Variants in ABCA6 observed in about 807,000 individuals in gnomAD.
ABCA6 encodes the protein ATP binding cassette subfamily A member 6, also known as ATP-binding cassette sub-family A member 6.
In ABCA6, 164 loss-of-function variants were observed where a neutral mutation model predicts 191.2. That is an observed-to-expected ratio of 0.86 (90% CI 0.76 to 0.98). The LOEUF (loss-of-function observed/expected upper bound fraction) is 0.98, where lower values mean the gene tolerates loss of function less well. Among genes scored for constraint, ABCA6 ranks in the 50% least tolerant of loss-of-function variants. The pLI is 0.00. For missense variants in ABCA6, 1,958 were observed against 1,894.1 expected, an observed-to-expected ratio of 1.03 and a Z score of -0.63; for synonymous variants, 636 against 647.7, an observed-to-expected ratio of 0.98 and a Z score of 0.27.
At chr17:69,114,964 T>G (rs1316980446) in intron 12 of ABCA6, 27 bp from the exon 13 acceptor site, 2 of 1,534,736 alleles carry the variant, frequency 1.3e-6, no homozygotes, top group Non-Finnish European at 1.8e-6. Flanking sequence ...AAAATAAAAT[T>G]GGCAAGATAA....
rs77027747 is a variant in ABCA6 at position 69,125,992 on chromosome 17, A to G, written c.1120-957T>C. ...AGCATCATACTTAATGGCACAATGT[A>G]GAAAGCTTTTATTTTGCCTGCATTT... On this transcript the variant is annotated intron_variant, in intron 8 of 38. Coordinates refer to ENST00000284425, the MANE Select transcript of ABCA6 (RefSeq NM_080284.3). Among the ~76,000 whole-genome samples the G allele has an allele frequency of 4.8e-3, 728 of 152,266 alleles. 7 individuals carry two copies. Among genetic ancestry groups the G allele is most frequent in the African/African-American group, 0.016 (673 of 41,568 alleles).
chr17:69,125,251 T>C (rs2073729175), intron 8 of ABCA6, among the ~76,000 whole-genome samples: 3 of 151,862 alleles, frequency 2.0e-5, no homozygotes, highest in African/African-American at 7.2e-5. Context: ...AAATACAATG[T>C]TCTAAGTATA....
Position 69,101,033 on chromosome 17 carries a change from G to T in ABCA6, c.2875-99C>A, listed in dbSNP as rs764095816. The stretch of plus-strand genomic sequence containing the variant: ...ATCCTAACAGTGCCACATGCTTGTT[G>T]TGTGTCCATCTTCAAGTGAACTAAA... On this transcript the variant is annotated intron_variant, in intron 21 of 38. Coordinates refer to ENST00000284425, the MANE Select transcript of ABCA6 (RefSeq NM_080284.3). 9 of 1,010,540 alleles carry T rather than the reference G, an allele frequency of 8.9e-6. No homozygotes were observed. In the African/African-American group the frequency reaches 1.1e-4, roughly 13 times the overall value. 62.6% of individuals were successfully genotyped at this position (1,010,540 alleles called of 1,614,324 possible). A position where few individuals can be genotyped will look rare whatever the true frequency, so the allele number is the denominator to read the frequency against.
chr17:69,096,470 C>G (rs2073048302), intron 24 of ABCA6, 117 bp from the exon 25 acceptor site: 1 of 806,546 alleles, frequency 1.2e-6, no homozygotes, highest in Non-Finnish European at 1.8e-6. Flanking sequence ...TCTTTGGTAT[C>G]TGAAACTATT....
rs773259704 is a variant in ABCA6 at position 69,085,141 on chromosome 17, C to T, written c.4071G>A (p.Gly1357=). 2.7e-5 allele frequency: 43 copies of T among 1,611,898 alleles called. No individual in the cohort carries two copies. The highest frequency in any genetic ancestry group is 3.6e-5 in the Non-Finnish European group (43 of 1,179,124). Residue 1357 remains glycine, a synonymous_variant, in exon 32 of 39, where the codon GGG becomes GGA. Coordinates refer to ENST00000284425, the MANE Select transcript of ABCA6 (RefSeq NM_080284.3). ...KGCSSVLGHL[G]YCPQENVLWP... ...ACAGCACGTTCTCTTGAGGGCAGTA[C>T]CCCAGGTGGCCCAAAACTGAACTGC...
At chr17:69,137,070 C>T (rs926962017) in intron 3 of ABCA6, among the ~76,000 whole-genome samples, 3 of 151,996 alleles carry the variant, frequency 2.0e-5, no homozygotes, top group Admixed American at 6.6e-5. Flanking sequence ...AGTTATATTC[C>T]AGTAGAAATA....
intron 14 of ABCA6, 63 bp downstream of exon 14, chr17:69,113,541 CCACTTTTAGTGGTA>C: frequency 6.2e-7 from 1 of 1,603,852 alleles, no homozygotes; most frequent in Non-Finnish European, 8.5e-7. Context: ...GAAAGCTCTA[CCACTTTTAGTGGTA>C]AAAGAACTTG....
chr17:69,105,548 C>T lies in ABCA6; in HGVS notation c.2654G>A (p.Trp885Ter). ...AAAATACAATTCGTTTTTAAATTCC[C>T]AATCGATCTTTTCATTTAACATAGC... ...MYAMLNEKID[W>*]EFKNELYFLS... The change falls in exon 20 of 39, where the codon TGG becomes TAG. Residue 885 changes from tryptophan (W) to a stop codon, truncating the protein, a stop_gained. Transcript: ENST00000284425. LOFTEE classifies it high-confidence loss of function. 6.3e-7 allele frequency: 1 copy of T among 1,598,650 alleles called. No individual in the cohort carries two copies. Among genetic ancestry groups the T allele is most frequent in the Non-Finnish European group, 8.6e-7 (1 of 1,167,854 alleles).
intron 17 of ABCA6, chr17:69,109,720 C>G (rs2073383110): frequency 6.6e-6 from 1 of 152,140 alleles, no homozygotes; most frequent in South Asian, 2.1e-4. Context: ...CATCCCCTGT[C>G]CAGCAGAACC....
chr17:69,117,815 C>T, intron 11 of ABCA6, 83 bp downstream of exon 11: 1 of 1,028,088 alleles, frequency 9.7e-7, no homozygotes, highest in Non-Finnish European at 1.5e-6. Context: ...CTACATATTT[C>T]AAATTTTTTC....
intron 9 of ABCA6, among the ~76,000 whole-genome samples, chr17:69,124,292 C>G (rs575694135): frequency 2.4e-4 from 37 of 151,736 alleles, no homozygotes; most frequent in African/African-American, 7.7e-4. Context: ...GTGGAAGGAA[C>G]ATATAAAATA....
intron 3 of ABCA6, 39 bp from the exon 4 acceptor site, chr17:69,136,289 AAG>A (rs1489591923): frequency 1.4e-6 from 2 of 1,419,616 alleles, no homozygotes; most frequent in Admixed American, 2.9e-5. Context: ...AGAAAATTGT[AAG>A]AGTTTTGCCA....
intron 19 of ABCA6, 34 bp from the exon 20 acceptor site, chr17:69,105,662 C>G: frequency 7.2e-7 from 1 of 1,382,038 alleles, no homozygotes; most frequent in Non-Finnish European, 1.0e-6. Context: ...ATATTAATCT[C>G]CAGGAATTTT....
At chr17:69,139,247 C>T (rs1362810659) in intron 2 of ABCA6, among the ~76,000 whole-genome samples, 4 of 151,910 alleles carry the variant, frequency 2.6e-5, no homozygotes, top group Non-Finnish European at 5.9e-5. Context: ...AACAAATTTA[C>T]AAGAAAAAAA....
chr17:69,087,041 G>C (rs761788253), intron 29 of ABCA6, among the ~76,000 whole-genome samples: 1 of 152,058 alleles, frequency 6.6e-6, no homozygotes, highest in African/African-American at 2.4e-5. Context: ...CGCATTCTTC[G>C]ACAAATCTAA....
chr17:69,084,500 T>C lies in ABCA6; in HGVS notation c.4192A>G (p.Ser1398Gly). The change falls in exon 33 of 39, where the codon AGT (serine) becomes GGT (glycine). Residue 1398 changes from serine to glycine, a missense_variant. Ser to Gly is a moderately conservative substitution (Grantham distance 56, BLOSUM62 0). Coordinates refer to ENST00000284425, the MANE Select transcript of ABCA6 (RefSeq NM_080284.3). ...AGCTGCTCATGCAGTTTGAAAGCAC[T>C]CACTAATCTGACAGAAAACAGAATG... Reference protein sequence around the residue: ...DARLAIARLVSAFKLHEQLNV... With the variant: ...DARLAIARLVGAFKLHEQLNV... 6.2e-7 allele frequency: 1 copy of C among 1,614,068 alleles called. No homozygotes were observed. The highest frequency in any genetic ancestry group is 1.1e-5 in the South Asian group (1 of 91,086).
chr17:69,104,868 T>A (rs1025552314), intron 20 of ABCA6: 1 of 151,526 alleles, frequency 6.6e-6, no homozygotes, highest in Admixed American at 6.6e-5. Context: ...TAATCCCAGC[T>A]ACTCGGGAGG....
At chr17:69,097,288 G>A (rs180951411) in intron 23 of ABCA6, among the ~76,000 whole-genome samples, 23 of 152,022 alleles carry the variant, frequency 1.5e-4, no homozygotes, top group Admixed American at 7.2e-4. Context: ...CTACTCAGGA[G>A]GCTGAGGCAG....
In ABCA6 at chr17:69,105,653, T is replaced by C. The variant is rs1265578832; in HGVS notation, c.2574-25A>G. On this transcript the variant is annotated intron_variant, in intron 19 of 38. Transcript: ENST00000284425. The stretch of plus-strand genomic sequence containing the variant: ...TCTAAACAATAAAGAAAAATTAGCA[T>C]ATTAATCTCCAGGAATTTTATTTAT... 3.5e-6 allele frequency: 5 copies of C among 1,417,996 alleles called. No individual in the cohort carries two copies. The East Asian group carries it at 9.2e-5, about 26-fold the overall frequency. The allele number at this position is 1,417,996 out of a possible 1,614,324, so 87.8% of individuals were successfully genotyped here.
Sources: allele counts gnomAD v4.1 joint callset (sites outside exome capture counted in the v4.1 genomes callset), GRCh38; gene constraint gnomAD v4.1.1; transcripts MANE v1.5; gene names NCBI Gene and HGNC (gene_info 2026-07-23, HGNC 2026-07-21).